Variants in MIER2 observed in about 807,000 individuals in gnomAD.
MIER2 encodes the protein mesoderm induction early response protein 2.
In MIER2, 30 loss-of-function variants were observed where a neutral mutation model predicts 67.6. The observed-to-expected ratio is 0.44, with a 90% CI of 0.33 to 0.60. The LOEUF is 0.60. MIER2 is among the 20% of genes least tolerant of loss of function. The pLI is 0.02. For missense variants in MIER2, 702 were observed against 745.1 expected (o/e 0.94, Z 0.67); for synonymous variants, 372 against 312.6 (o/e 1.19, Z -2.00).
At chr19:338,803 GGAAT>G (rs1972377455) in intron 1 of MIER2, among the ~76,000 whole-genome samples, 1 of 152,096 alleles carries the variant, frequency 6.6e-6, no homozygotes, top group African/African-American at 2.4e-5. Flanking sequence ...GTTCCATGAA[GGAAT>G]GAACAGTCTT....
At position 306,458 on chromosome 19, in the gene MIER2, G is replaced by A. The variant is rs909833025; in HGVS notation, c.*232C>T. ...TGCAGGCAGCGGCCCGGACCCGGGT[G>A]GCAGTGCCGGGCGCTGACGGCGCTG... On this transcript the variant is annotated 3_prime_UTR_variant, in exon 14 of 14. Coordinates refer to ENST00000264819, the MANE Select transcript of MIER2 (RefSeq NM_017550.3). 8.1e-6 allele frequency: 5 copies of A among 619,768 alleles called. No homozygotes were observed. Among genetic ancestry groups the A allele is most frequent in the Non-Finnish European group, 1.4e-5 (5 of 356,188 alleles). The allele number at this position is 619,768 out of a possible 1,614,324, so 38.4% of individuals were successfully genotyped here. A position where few individuals can be genotyped will look rare whatever the true frequency, so the allele number is the denominator to read the frequency against.
chr19:325,840 G>C, intron 6 of MIER2, 136 bp from the exon 7 acceptor site: 1 of 904,154 alleles, frequency 1.1e-6, no homozygotes, highest in Non-Finnish European at 1.8e-6. Flanking sequence ...CCGTCTACCT[G>C]CTGATGCCCA....
At position 311,872 on chromosome 19, in the gene MIER2, C is replaced by T. The variant is rs1971020436; in HGVS notation, c.957G>A (p.Lys319=). 1 of 1,613,962 alleles carries T rather than the reference C, an allele frequency of 6.2e-7. No individual in the cohort carries two copies. The highest frequency in any genetic ancestry group is 1.3e-5 in the African/African-American group (1 of 74,924). ...TGTTGGCCTGGATCAGGTGAAAGTTCTTTCCATGCACACGGAAGCCGTGCT... is the reference window on the plus strand; with the variant it reads ...TGTTGGCCTGGATCAGGTGAAAGTTTTTTCCATGCACACGGAAGCCGTGCT... ...NFEHGFRVHG[K]NFHLIQANKV... is the part of the protein sequence containing the mutation. The change falls in exon 10 of 14, where the codon AAG becomes AAA. Residue 319 remains lysine, a synonymous_variant. Transcript: ENST00000264819.
chr19:343,433 CAAG>C (rs1488610583), intron 1 of MIER2, among the ~76,000 whole-genome samples: 1 of 152,232 alleles, frequency 6.6e-6, no homozygotes, highest in Non-Finnish European at 1.5e-5. Context: ...CTAAGCGTCT[CAAG>C]AAGAACTAAT....
intron 7 of MIER2, among the ~76,000 whole-genome samples, chr19:323,055 G>GAC (rs1251941167): frequency 1.3e-5 from 2 of 150,760 alleles, no homozygotes; most frequent in African/African-American, 2.4e-5. Flanking sequence ...CAACTCAAAT[G>GAC]ACAGACGTCA....
intron 1 of MIER2, among the ~76,000 whole-genome samples, chr19:337,369 C>T (rs1332741441): frequency 6.6e-6 from 1 of 152,140 alleles, no homozygotes; most frequent in African/African-American, 2.4e-5. Context: ...ATCCAACATA[C>T]TTTCATAAGG....
chr19:307,231 C>A lies in MIER2; in HGVS notation c.1504G>T (p.Val502Leu), dbSNP rs1447080218. 1 of 1,592,826 alleles carries A rather than the reference C, an allele frequency of 6.3e-7. No individual in the cohort carries two copies. ...CCAAACTCGGTGACCGACAAAGCCA[C>A]CTGTGCTGGGGCCACAGTCTCCTCC... ...DPEETVAPAQ[V>L]ALSVTEFGLI... is the part of the protein sequence containing the mutation. The change falls in exon 13 of 14, where the codon GTG (valine) becomes TTG (leucine). Residue 502 changes from valine to leucine, a missense_variant. This residue lies in a region of MIER2 where 254 missense variants were observed against 262.8 expected (regional missense o/e 0.97). Coordinates refer to ENST00000264819, the MANE Select transcript of MIER2 (RefSeq NM_017550.3).
Position 308,709 on chromosome 19 carries a change from G to A in MIER2, c.1110-44C>T, listed in dbSNP as rs1271936185. ...ATGAGGGGCGGCAGACAGGACAGACGCCCCCACCCAAGAGGTGCCGCCCAG... is the reference window on the plus strand; with the variant it reads ...ATGAGGGGCGGCAGACAGGACAGACACCCCCACCCAAGAGGTGCCGCCCAG... On this transcript the variant is annotated intron_variant, in intron 11 of 13. Coordinates refer to ENST00000264819, the MANE Select transcript of MIER2 (RefSeq NM_017550.3). This position sits in a 1 kb window ranked among gnomAD's most constrained non-coding sequence, Gnocchi z 9.1. 2.1e-5 allele frequency: 34 copies of A among 1,595,182 alleles called. No individual in the cohort carries two copies. The highest frequency in any genetic ancestry group is 4.0e-5 in the African/African-American group (3 of 74,512).
intron 3 of MIER2, among the ~76,000 whole-genome samples, chr19:333,752 G>A (rs1004877339): frequency 2.1e-3 from 293 of 138,496 alleles, no homozygotes; most frequent in African/African-American, 7.5e-3. Context: ...GCAGTGGCAC[G>A]ATCTCAGCTC....
rs1166132344 is a variant in MIER2, at chr19:306,517, G to A, written c.*173C>T. 3 of 884,350 alleles carry A rather than the reference G, an allele frequency of 3.4e-6. No homozygotes were observed. The highest frequency in any genetic ancestry group is 3.5e-6 in the Non-Finnish European group (2 of 573,588). The allele number at this position is 884,350 out of a possible 1,614,324, so 54.8% of individuals were successfully genotyped here. A position where few individuals can be genotyped will look rare whatever the true frequency, so the allele number is the denominator to read the frequency against. On this transcript the variant is annotated 3_prime_UTR_variant, in exon 14 of 14. Coordinates refer to ENST00000264819, the MANE Select transcript of MIER2 (RefSeq NM_017550.3). ...CGTGGGTCCATTCTGTGTGGACAGG[G>A]GCAAGGGCTCACGGCCCAGCCACCT...
At chr19:341,452 G>A (rs1466761994) in intron 1 of MIER2, among the ~76,000 whole-genome samples, 2 of 152,138 alleles carry the variant, frequency 1.3e-5, no homozygotes, top group Admixed American at 6.5e-5. Flanking sequence ...GCTGGGAACG[G>A]CAGAAAGGGC....
chr19:306,665 C>T lies in MIER2; in HGVS notation c.*25G>A, dbSNP rs774231082. 3.0e-5 allele frequency: 47 copies of T among 1,552,394 alleles called. No individual in the cohort carries two copies. The highest frequency in any genetic ancestry group is 3.3e-4 in the Middle Eastern group (2 of 6,004). On this transcript the variant is annotated 3_prime_UTR_variant, in exon 14 of 14. Transcript: ENST00000264819. ...CGGCAGCGCTAAGTCCAGTCTGGGC[C>T]GCATACGCCGCCCGCGGCCAGGAGT...
At chr19:333,499 T>C (rs1457387347) in intron 3 of MIER2, among the ~76,000 whole-genome samples, 9 of 37,060 alleles carry the variant, frequency 2.4e-4, no homozygotes, top group African/African-American at 1.4e-3. Context: ...ACAAAGCTCC[T>C]TGAAACTCTA....
intron 2 of MIER2, among the ~76,000 whole-genome samples, chr19:335,253 G>C (rs767920516): frequency 6.6e-6 from 1 of 152,166 alleles, no homozygotes; most frequent in African/African-American, 2.4e-5. Flanking sequence ...CTGAGGGCCT[G>C]GGAGTCCAGG....
chr19:312,180 C>A lies in MIER2; in HGVS notation c.889+11G>T. ...GGCCGCAGCGGAAGGAAGGCCCAGA[C>A]CGCTGCTCACCTCGGATCACCTTCA... On this transcript the variant is annotated intron_variant, in intron 9 of 13. Coordinates refer to ENST00000264819, the MANE Select transcript of MIER2 (RefSeq NM_017550.3). The A allele has an allele frequency of 6.2e-7, 1 of 1,608,442 alleles. No individual in the cohort carries two copies. The highest frequency in any genetic ancestry group is 8.5e-7 in the Non-Finnish European group (1 of 1,179,148).
At chr19:314,063 G>C (rs183421901) in intron 7 of MIER2, among the ~76,000 whole-genome samples, 2 of 152,180 alleles carry the variant, frequency 1.3e-5, no homozygotes, top group Non-Finnish European at 2.9e-5. Flanking sequence ...CAGCTACAAG[G>C]GCACCTGAAA....
chr19:325,721 T>C lies in MIER2; in HGVS notation c.586-17A>G. 6.2e-7 allele frequency: 1 copy of C among 1,614,096 alleles called. No individual in the cohort carries two copies. Among genetic ancestry groups the C allele is most frequent in the Non-Finnish European group, 8.5e-7 (1 of 1,179,972 alleles). ...CATGATCTCCTGCAAAGCAAGCACC[T>C]GGGAATCAGGACACTGAGGAGCATC... On this transcript the variant is annotated splice_polypyrimidine_tract_variant and intron_variant, in intron 6 of 13. Coordinates refer to ENST00000264819, the MANE Select transcript of MIER2 (RefSeq NM_017550.3).
chr19:319,987 C>T (rs544443542), intron 7 of MIER2, among the ~76,000 whole-genome samples: 1 of 152,314 alleles, frequency 6.6e-6, no homozygotes, highest in African/African-American at 2.4e-5. Context: ...AATCCAGGTG[C>T]TCACAGCGAG....
At chr19:326,078 G>A (rs1403513866) in intron 6 of MIER2, among the ~76,000 whole-genome samples, 1 of 152,252 alleles carries the variant, frequency 6.6e-6, no homozygotes, top group Non-Finnish European at 1.5e-5. Context: ...CAGGGAGAGG[G>A]CTCAGCAGGA....
Sources: allele counts gnomAD v4.1 joint callset (sites outside exome capture counted in the v4.1 genomes callset), GRCh38; gene constraint gnomAD v4.1.1; regional missense constraint gnomAD v4.1.1; non-coding constraint Gnocchi (gnomAD v3.1); transcripts MANE v1.5; gene names NCBI Gene and HGNC (gene_info 2026-07-23, HGNC 2026-07-21).